The following FBXL7 variants were observed in gnomAD, a reference collection of about 807,000 sequenced individuals.
FBXL7 encodes F-box and leucine rich repeat protein 7, also known as F-box/LRR-repeat protein 7.
Under a neutral mutation model 38.3 loss-of-function variants are expected in FBXL7, and 12 were observed. The observed-to-expected ratio is 0.31, with a 90% CI of 0.20 to 0.51. The LOEUF (loss-of-function observed/expected upper bound fraction) is 0.51, where lower values mean the gene tolerates loss of function less well. FBXL7 is among the 20% of genes least tolerant of loss of function. The pLI is 0.98. For synonymous variants in FBXL7, 297 were observed against 300.9 expected, an observed-to-expected ratio of 0.99 and a Z score of 0.13; for missense variants, 567 against 676.4, an observed-to-expected ratio of 0.84 and a Z score of 1.79.
At chr5:15,541,443 G>A (rs5866147) in intron 1 of FBXL7, among the ~76,000 whole-genome samples, 2,811 of 38,268 alleles carry the variant, frequency 0.073, 153 homozygotes, top group Non-Finnish European at 0.083. Context: ...GTGTGTGTGT[G>A]TATATATATA....
At chr5:15,681,559 G>A (rs1465227511) in intron 2 of FBXL7, among the ~76,000 whole-genome samples, 1 of 152,162 alleles carries the variant, frequency 6.6e-6, no homozygotes, top group African/African-American at 2.4e-5. Context: ...CCTGTTAGTA[G>A]TATTTACCAG....
intron 2 of FBXL7, among the ~76,000 whole-genome samples, chr5:15,748,269 G>A (rs1199351793): frequency 6.6e-6 from 1 of 152,224 alleles, no homozygotes; most frequent in East Asian, 1.9e-4. Context: ...AAGTGCCAGA[G>A]TTAAAGAACT....
intron 2 of FBXL7, among the ~76,000 whole-genome samples, chr5:15,716,059 A>G (rs1744034546): frequency 6.6e-6 from 1 of 152,238 alleles, no homozygotes; most frequent in Non-Finnish European, 1.5e-5. Context: ...AGTGTTTTTA[A>G]TGCTAAGAGT....
At chr5:15,575,823 C>T (rs1738941329) in intron 1 of FBXL7, among the ~76,000 whole-genome samples, 1 of 152,136 alleles carries the variant, frequency 6.6e-6, no homozygotes, top group Non-Finnish European at 1.5e-5. Context: ...TTTGTTTTAG[C>T]ACAATATGCC....
rs367756191 is a variant in FBXL7 at position 15,850,905 on chromosome 5, GTGTGCTC to G, written c.128-76979_128-76973del. ...GTCAACACTGGATTTTCCTTTGAAC[GTGTGCTC>G]TGTGCCCTGCTCATCTCTTGCGGCT... On this transcript the variant is annotated intron_variant, in intron 2 of 3. Transcript: ENST00000504595. Among the ~76,000 whole-genome samples the G allele has an allele frequency of 2.4e-3, 362 of 152,324 alleles. 2 individuals carry two copies. Among genetic ancestry groups the G allele is most frequent in the African/African-American group, 8.4e-3 (348 of 41,572 alleles).
intron 1 of FBXL7, among the ~76,000 whole-genome samples, chr5:15,553,508 A>G (rs1738145501): frequency 6.6e-6 from 1 of 152,212 alleles, no homozygotes; most frequent in Non-Finnish European, 1.5e-5. Flanking sequence ...AAGCTCCATG[A>G]AGGTAGGGAT....
At chr5:15,597,403 A>C (rs1561044397) in intron 1 of FBXL7, among the ~76,000 whole-genome samples, 1 of 151,746 alleles carries the variant, frequency 6.6e-6, no homozygotes, top group Admixed American at 6.6e-5. Flanking sequence ...TCTCATTTTT[A>C]TAAAAGATAT....
At chr5:15,771,748 T>C (rs867239826) in intron 2 of FBXL7, among the ~76,000 whole-genome samples, 3 of 150,238 alleles carry the variant, frequency 2.0e-5, no homozygotes, top group Admixed American at 6.6e-5. Flanking sequence ...TCTGGACTAA[T>C]AGAAGGTCAA....
At position 15,541,443 on chromosome 5, in the gene FBXL7, G is replaced by GTGTATATA. The variant is rs1264820921; in HGVS notation, c.37+40731_37+40732insGTATATAT. ...ACATATAGTATATATGTGTGTGTGT[G>GTGTATATA]TATATATATATATATATATATATAT... On this transcript the variant is annotated intron_variant, in intron 1 of 3. Transcript: ENST00000504595. Among the ~76,000 whole-genome samples, 151 of 38,432 alleles carry GTGTATATA rather than the reference G, an allele frequency of 3.9e-3. 1 individual carries two copies. The highest frequency in any genetic ancestry group is 0.022 in the Middle Eastern group (1 of 46). The allele number at this position is 38,432 out of a possible 152,430, so 25.2% of individuals were successfully genotyped here.
chr5:15,779,087 C>T (rs1002467064), intron 2 of FBXL7, among the ~76,000 whole-genome samples: 1 of 151,858 alleles, frequency 6.6e-6, no homozygotes, highest in African/African-American at 2.4e-5. Context: ...TCATCTTGAG[C>T]AGAGTAGACA....
chr5:15,836,666 A>G (rs1738599975), intron 2 of FBXL7, among the ~76,000 whole-genome samples: 1 of 152,172 alleles, frequency 6.6e-6, no homozygotes, highest in South Asian at 2.1e-4. Flanking sequence ...AAGAACAGTA[A>G]CAAGAACTGA....
intron 2 of FBXL7, among the ~76,000 whole-genome samples, chr5:15,767,933 T>G (rs1736632267): frequency 6.6e-6 from 1 of 152,218 alleles, no homozygotes; most frequent in Non-Finnish European, 1.5e-5. Flanking sequence ...TTTTTAATAC[T>G]TTTTGTTATG....
chr5:15,597,220 G>A (rs1479026217), intron 1 of FBXL7, among the ~76,000 whole-genome samples: 3 of 152,012 alleles, frequency 2.0e-5, no homozygotes, highest in African/African-American at 7.2e-5. Flanking sequence ...TTGTTGGTGG[G>A]GAGAAACCAC....
chr5:15,734,820 A>G lies in FBXL7; in HGVS notation c.127+118748A>G, dbSNP rs184114022. On this transcript the variant is annotated intron_variant, in intron 2 of 3. Transcript: ENST00000504595. ...GTCTTGAAGTGAAAGTAGACCTTAC[A>G]TATATAGAAAAGAGAGAAAGCATGT... is the stretch of plus-strand genomic sequence containing the variant. 1.4e-4 allele frequency among the ~76,000 whole-genome samples: 21 copies of G among 152,380 alleles called. No homozygotes were observed. In the East Asian group the frequency reaches 2.9e-3, roughly 21 times the overall value.
At chr5:15,923,581 A>G (rs1430911957) in intron 2 of FBXL7, among the ~76,000 whole-genome samples, 1 of 152,162 alleles carries the variant, frequency 6.6e-6, no homozygotes, top group African/African-American at 2.4e-5. Flanking sequence ...TCAAGAAAAG[A>G]TATTTTGTGA....
intron 2 of FBXL7, among the ~76,000 whole-genome samples, chr5:15,685,485 G>A (rs1371361128): frequency 6.6e-6 from 1 of 152,160 alleles, no homozygotes; most frequent in Non-Finnish European, 1.5e-5. Flanking sequence ...ACTATTTCAG[G>A]TGAAATGAAT....
intron 1 of FBXL7, among the ~76,000 whole-genome samples, chr5:15,539,244 A>T (rs1255729271): frequency 6.6e-6 from 1 of 152,176 alleles, no homozygotes; most frequent in Non-Finnish European, 1.5e-5. Context: ...TTGTAGGGTT[A>T]AGCTCCGATG....
intron 2 of FBXL7, among the ~76,000 whole-genome samples, chr5:15,711,872 A>G (rs1021609918): frequency 6.6e-6 from 1 of 152,232 alleles, no homozygotes; most frequent in African/African-American, 2.4e-5. Context: ...AATGACATAC[A>G]TATTTTTGCA....
chr5:15,815,261 T>C (rs959302697), intron 2 of FBXL7, among the ~76,000 whole-genome samples: 2 of 152,150 alleles, frequency 1.3e-5, no homozygotes, highest in Non-Finnish European at 2.9e-5. Context: ...AGGGATCCAA[T>C]GAGATGCTTC....
Sources: allele counts gnomAD v4.1 joint callset (sites outside exome capture counted in the v4.1 genomes callset), GRCh38; gene constraint gnomAD v4.1.1; transcripts MANE v1.5; gene names NCBI Gene and HGNC (gene_info 2026-07-23, HGNC 2026-07-21).